FBXL2: variants seen among roughly 807,000 people sequenced by gnomAD.
The protein encoded by FBXL2 is F-box/LRR-repeat protein 2.
FBXL2 carries 38 observed loss-of-function variants against 69.2 expected under a neutral mutation model. The ratio of observed to expected loss-of-function variants is 0.55; its 90% CI spans 0.42 to 0.72. The LOEUF is 0.72. Among genes scored for constraint, FBXL2 ranks in the 30% least tolerant of loss-of-function variants. The pLI, the probability that FBXL2 is intolerant of heterozygous loss-of-function variation, is 0.00. For missense variants in FBXL2, 354 were observed against 520.3 expected (o/e 0.68, Z 3.11); for synonymous variants, 192 against 201.3 (o/e 0.95, Z 0.39).
intron 2 of FBXL2, among the ~76,000 whole-genome samples, chr3:33,306,591 A>G (rs1389926853): frequency 2.0e-5 from 3 of 152,068 alleles, no homozygotes; most frequent in East Asian, 3.8e-4. Flanking sequence ...TCTTCCATAC[A>G]TTTGTCTGTT....
downstream of FBXL2, among the ~76,000 whole-genome samples, chr3:33,404,583 G>C (rs1559676389): frequency 6.6e-6 from 1 of 151,778 alleles, no homozygotes; most frequent in African/African-American, 2.4e-5. Flanking sequence ...GGAAGGGGAG[G>C]CTGCAGTGAG....
At chr3:33,325,730 A>C (rs948593294) in intron 2 of FBXL2, among the ~76,000 whole-genome samples, 1 of 152,150 alleles carries the variant, frequency 6.6e-6, no homozygotes, top group Admixed American at 6.6e-5. Context: ...ATGTTTTTTT[A>C]AAAAAATTTA....
rs1314351361 is a variant in FBXL2 at position 33,386,527 on chromosome 3, CA to C, written c.*920del. The C allele has an allele frequency of 1.3e-5, 2 of 151,484 alleles. No individual in the cohort carries two copies. Among genetic ancestry groups the C allele is most frequent in the African/African-American group, 4.9e-5 (2 of 41,140 alleles). The allele number at this position is 151,484 out of a possible 1,614,324, so 9.4% of individuals were successfully genotyped here. On this transcript the variant is annotated 3_prime_UTR_variant, in exon 15 of 15. Transcript: ENST00000484457. ...TTTTGAAATCTTAAAAATCAGGTTA[CA>C]CCATAGCTACTCAAAAGTTTTACAC...
In FBXL2 at chr3:33,313,361, G is replaced by T. The variant is rs144936737; in HGVS notation, c.65+15636G>T. On this transcript the variant is annotated intron_variant, in intron 2 of 14. Coordinates refer to ENST00000484457, the MANE Select transcript of FBXL2 (RefSeq NM_012157.5). ...ACATAACCTTTCCTTCCAAAAACAT[G>T]CAAAACCAGATGGTTTCAATGGTGA... Among the ~76,000 whole-genome samples the T allele has an allele frequency of 6.6e-3, 1,003 of 151,582 alleles. 28 individuals are homozygous for T. Among genetic ancestry groups the T allele is most frequent in the Admixed American group, 0.048 (737 of 15,230 alleles).
chr3:33,330,149 C>G (rs1205359410), intron 2 of FBXL2, among the ~76,000 whole-genome samples: 5 of 151,796 alleles, frequency 3.3e-5, no homozygotes, highest in African/African-American at 4.8e-5. Context: ...CAGCTGTGGT[C>G]TTGTATGCCT....
At chr3:33,409,641 C>T in the FBXL2 span, 1 of 1,613,148 alleles carries the variant, frequency 6.2e-7, no homozygotes, top group Non-Finnish European at 8.5e-7. Context: ...CAAAGAACTT[C>T]CACTGGTTAT....
At chr3:33,345,615 T>A (rs1411564900) in intron 2 of FBXL2, among the ~76,000 whole-genome samples, 1 of 152,222 alleles carries the variant, frequency 6.6e-6, no homozygotes, top group Non-Finnish European at 1.5e-5. Context: ...CTCTTAAGGT[T>A]ATATGGAACA....
At chr3:33,379,457 C>A (rs2042871040) in intron 13 of FBXL2, among the ~76,000 whole-genome samples, 2 of 151,872 alleles carry the variant, frequency 1.3e-5, no homozygotes, top group Admixed American at 1.3e-4. Flanking sequence ...TTGGTTCAAG[C>A]TATTCTCCTG....
At chr3:33,418,503 C>T in the FBXL2 span, among the ~76,000 whole-genome samples, 1 of 151,910 alleles carries the variant, frequency 6.6e-6, no homozygotes, top group African/African-American at 2.4e-5. Flanking sequence ...GGGTGATTCA[C>T]CCGCCTCAGC....
chr3:33,396,710 A>G (rs2044009946), intron 12 of FBXL2: 2 of 518,220 alleles, frequency 3.9e-6, no homozygotes, highest in South Asian at 3.2e-5. Flanking sequence ...AGTAATAGTC[A>G]TGACCTTGAA....
At chr3:33,369,644 ACT>A (rs2042166223) in intron 5 of FBXL2, among the ~76,000 whole-genome samples, 1 of 151,678 alleles carries the variant, frequency 6.6e-6, no homozygotes, top group Non-Finnish European at 1.5e-5. Flanking sequence ...AGATAGTCTC[ACT>A]CTGTCACCCA....
chr3:33,331,711 C>A (rs17029976), intron 2 of FBXL2, among the ~76,000 whole-genome samples: 23,950 of 152,012 alleles, frequency 0.16, 2,136 homozygotes, highest in African/African-American at 0.23. Context: ...CCACACCTCA[C>A]TAATCGGATG....
At chr3:33,408,865 T>A in the FBXL2 span, 1 of 1,308,596 alleles carries the variant, frequency 7.6e-7, no homozygotes. Context: ...ACACCCTGTT[T>A]CATGTCTCTT....
chr3:33,359,856 AATT>A (rs751005270), intron 4 of FBXL2, among the ~76,000 whole-genome samples: 1 of 152,314 alleles, frequency 6.6e-6, no homozygotes, highest in African/African-American at 2.4e-5. Context: ...AGTCTTATAC[AATT>A]ATTATATACA....
At chr3:33,338,504 T>G (rs2039760190) in intron 2 of FBXL2, among the ~76,000 whole-genome samples, 2 of 152,036 alleles carry the variant, frequency 1.3e-5, no homozygotes, top group Non-Finnish European at 2.9e-5. Context: ...ACTGGAGGTA[T>G]CACCCACATG....
chr3:33,322,379 A>G (rs1232535503), intron 2 of FBXL2, among the ~76,000 whole-genome samples: 1 of 151,986 alleles, frequency 6.6e-6, no homozygotes, highest in African/African-American at 2.4e-5. Flanking sequence ...CGCCTGGCCA[A>G]CTAGGTGATG....
chr3:33,398,686 C>T (rs191905163), intron 12 of FBXL2, among the ~76,000 whole-genome samples: 13 of 152,318 alleles, frequency 8.5e-5, no homozygotes, highest in Admixed American at 2.0e-4. Flanking sequence ...CAGAAGGCCA[C>T]GCCATGTGAT....
the FBXL2 span, among the ~76,000 whole-genome samples, chr3:33,414,854 C>T: frequency 6.6e-6 from 1 of 152,088 alleles, no homozygotes; most frequent in Non-Finnish European, 1.5e-5. Flanking sequence ...TATTTAGATA[C>T]TGATGCCTTC....
intron 5 of FBXL2, among the ~76,000 whole-genome samples, chr3:33,367,057 G>GT (rs1048367361): frequency 8.6e-5 from 13 of 151,416 alleles, no homozygotes; most frequent in African/African-American, 2.2e-4. Flanking sequence ...GCTCCTACAT[G>GT]TTTTTTTGGG....
Sources: allele counts gnomAD v4.1 joint callset (sites outside exome capture counted in the v4.1 genomes callset), GRCh38; gene constraint gnomAD v4.1.1; transcripts MANE v1.5; gene names NCBI Gene and HGNC (gene_info 2026-07-23, HGNC 2026-07-21).